CNTNAP3B: variants seen among roughly 807,000 people sequenced by gnomAD.
The protein encoded by CNTNAP3B is contactin associated protein family member 3B.
CNTNAP3B carries 25 observed loss-of-function variants against 108.9 expected under a neutral mutation model. That is an observed-to-expected ratio of 0.23 (90% CI 0.17 to 0.32). The LOEUF (loss-of-function observed/expected upper bound fraction) is 0.32, where lower values mean the gene tolerates loss of function less well. CNTNAP3B is among the 10% of genes least tolerant of loss of function. CNTNAP3B has a pLI of 1.00. For synonymous variants in CNTNAP3B, 103 were observed against 473.4 expected, an observed-to-expected ratio of 0.22 and a Z score of 10.16; for missense variants, 252 against 1,210.4, an observed-to-expected ratio of 0.21 and a Z score of 11.75.
At chr9:41,943,604 G>A (rs1188414890) in intron 13 of CNTNAP3B, among the ~76,000 whole-genome samples, 236 of 150,784 alleles carry the variant, frequency 1.6e-3, no homozygotes, top group Non-Finnish European at 2.0e-3. Context: ...CGCCCGCCTC[G>A]GCCTCCCAAA....
rs548981285 is a variant in CNTNAP3B, at chr9:42,120,824, G to C, written c.85+8186C>G. On this transcript the variant is annotated intron_variant, in intron 1 of 23. Transcript: ENST00000377561. ...ACACTACACAACGGGGACTGTCGCG[G>C]GGTGGGGGGAGGGGGGAGGGATAGC... 1.1e-4 allele frequency among the ~76,000 whole-genome samples: 10 copies of C among 94,948 alleles called. 1 individual carries two copies. Among genetic ancestry groups the C allele is most frequent in the African/African-American group, 3.7e-4 (8 of 21,382 alleles). 62.3% of individuals were successfully genotyped at this position (94,948 alleles called of 152,430 possible).
At chr9:42,054,783 T>C (rs1827028744) in intron 3 of CNTNAP3B, among the ~76,000 whole-genome samples, 1 of 151,644 alleles carries the variant, frequency 6.6e-6, no homozygotes, top group Non-Finnish European at 1.5e-5. Flanking sequence ...GTTACAAAGT[T>C]AGGATGACAT....
intron 2 of CNTNAP3B, among the ~76,000 whole-genome samples, chr9:42,094,827 C>A (rs1395013478): frequency 7.9e-6 from 1 of 126,740 alleles, no homozygotes; most frequent in East Asian, 2.5e-4. Context: ...GTCCACAATA[C>A]CAAAATCATT....
At chr9:42,098,531 A>T (rs1325319939) in intron 2 of CNTNAP3B, among the ~76,000 whole-genome samples, 6 of 89,686 alleles carry the variant, frequency 6.7e-5, no homozygotes, top group Admixed American at 1.2e-4. Flanking sequence ...TGCAGTGAGC[A>T]GAGATCATGC....
intron 11 of CNTNAP3B, among the ~76,000 whole-genome samples, chr9:41,963,166 G>C (rs1825158882): frequency 6.6e-6 from 1 of 152,294 alleles, no homozygotes; most frequent in African/African-American, 2.4e-5. Flanking sequence ...ACACTCCACA[G>C]CCTGCCTTTC....
chr9:42,101,740 AAGGTGTAGAAATGCACACTGAC>A lies in CNTNAP3B; in HGVS notation c.196+2867_196+2888del, dbSNP rs940606687. ...CTTAGCTTCAAGTGATGCAATGTGA[AAGGTGTAGAAATGCACACTGAC>A]CCTTAGCCTCTTAAATTTACAACAG... On this transcript the variant is annotated intron_variant, in intron 2 of 23. Coordinates refer to ENST00000377561, the MANE Select transcript of CNTNAP3B (RefSeq NM_001201380.3). 1.1e-4 allele frequency among the ~76,000 whole-genome samples: 13 copies of A among 117,678 alleles called. 3 individuals are homozygous for A. Among genetic ancestry groups the A allele is most frequent in the African/African-American group, 4.6e-4 (13 of 28,020 alleles). 77.2% of individuals were successfully genotyped at this position (117,678 alleles called of 152,430 possible).
rs1439909024 is a variant in CNTNAP3B at position 42,129,203 on chromosome 9, G to T, written c.-109C>A. 2.1e-5 allele frequency: 30 copies of T among 1,425,534 alleles called. No homozygotes were observed. Among genetic ancestry groups the T allele is most frequent in the Non-Finnish European group, 2.8e-5 (30 of 1,068,246 alleles). The allele number at this position is 1,425,534 out of a possible 1,614,324, so 88.3% of individuals were successfully genotyped here. The stretch of plus-strand genomic sequence containing the variant: ...CCGTCCCCTGCGCGGCTCCGACGCT[G>T]CTCTGTCTCCCCTGTCCAGTCTCTA... On this transcript the variant is annotated 5_prime_UTR_variant, in exon 1 of 24. Coordinates refer to ENST00000377561, the MANE Select transcript of CNTNAP3B (RefSeq NM_001201380.3).
At chr9:41,965,453 C>A (rs1587156136) in intron 10 of CNTNAP3B, among the ~76,000 whole-genome samples, 1 of 151,304 alleles carries the variant, frequency 6.6e-6, no homozygotes, top group Admixed American at 6.6e-5. Flanking sequence ...GGAAACTGAC[C>A]AGCACCTGAC....
At position 42,117,956 on chromosome 9, in the gene CNTNAP3B, T is replaced by C. The variant is rs1182137808; in HGVS notation, c.85+11054A>G. On this transcript the variant is annotated intron_variant, in intron 1 of 23. Coordinates refer to ENST00000377561, the MANE Select transcript of CNTNAP3B (RefSeq NM_001201380.3). ...ATGGATAAATTCCTCGACACATACA[T>C]CCTCCCAAGACTAAACCAGGAAAAA... 2.9e-5 allele frequency among the ~76,000 whole-genome samples: 4 copies of C among 136,724 alleles called. 1 individual carries two copies. Among genetic ancestry groups the C allele is most frequent in the African/African-American group, 1.2e-4 (4 of 34,276 alleles). The allele number at this position is 136,724 out of a possible 152,430, so 89.7% of individuals were successfully genotyped here.
At chr9:42,112,004 A>G (rs1386934043) in intron 1 of CNTNAP3B, among the ~76,000 whole-genome samples, 3 of 139,066 alleles carry the variant, frequency 2.2e-5, no homozygotes, top group East Asian at 4.4e-4. Flanking sequence ...TGAAATTCAA[A>G]TTTCAGGTCC....
rs573639677 is a variant in CNTNAP3B, at chr9:41,935,574, AT to A, written c.2237+2669del. Reference sequence around the variant, plus strand: ...TCCATTTTTATAAACTGAAAAATCAATTTTATTTGAAAAATTAAAATAGAAA... The same window carrying A: ...TCCATTTTTATAAACTGAAAAATCAATTTATTTGAAAAATTAAAATAGAAA... On this transcript the variant is annotated intron_variant, in intron 14 of 23. Transcript: ENST00000377561. Among the ~76,000 whole-genome samples, 21 of 152,408 alleles carry A rather than the reference AT, an allele frequency of 1.4e-4. No homozygotes were observed. In the East Asian group the frequency reaches 3.9e-3, roughly 28 times the overall value.
In CNTNAP3B at chr9:42,056,217, C is replaced by A. The variant is rs1030698721; in HGVS notation, c.390+20652G>T. ...GTTGAAAGTAATGTCCTAAGCAACA[C>A]AGCCTCAGTAAATGTTTTAGTTGTT... On this transcript the variant is annotated intron_variant, in intron 3 of 23. Coordinates refer to ENST00000377561, the MANE Select transcript of CNTNAP3B (RefSeq NM_001201380.3). Among the ~76,000 whole-genome samples the A allele has an allele frequency of 1.8e-4, 24 of 135,076 alleles. 2 individuals carry two copies. The highest frequency in any genetic ancestry group is 3.4e-3 in the Middle Eastern group (1 of 292). 88.6% of individuals were successfully genotyped at this position (135,076 alleles called of 152,430 possible).
chr9:42,113,972 A>T lies in CNTNAP3B; in HGVS notation c.86-9233T>A, dbSNP rs1177388876. ...ACTAAAAAAATTAAAAATAATAATA[A>T]TTCTTTCTATGCACCTCTGAGAGTT... is the stretch of plus-strand genomic sequence containing the variant. On this transcript the variant is annotated intron_variant, in intron 1 of 23. Coordinates refer to ENST00000377561, the MANE Select transcript of CNTNAP3B (RefSeq NM_001201380.3). Among the ~76,000 whole-genome samples the T allele has an allele frequency of 2.3e-5, 3 of 132,054 alleles. 1 individual carries two copies. Among genetic ancestry groups the T allele is most frequent in the Non-Finnish European group, 4.8e-5 (3 of 62,732 alleles). The allele number at this position is 132,054 out of a possible 152,430, so 86.6% of individuals were successfully genotyped here.
intron 1 of CNTNAP3B, among the ~76,000 whole-genome samples, chr9:42,121,362 G>A (rs1216501427): frequency 7.2e-6 from 1 of 139,060 alleles, no homozygotes; most frequent in Non-Finnish European, 1.5e-5. Flanking sequence ...CCCATCACAG[G>A]CTCAGCTTTC....
intron 3 of CNTNAP3B, among the ~76,000 whole-genome samples, chr9:42,059,945 T>A (rs1827142778): frequency 6.7e-6 from 1 of 149,530 alleles, no homozygotes; most frequent in East Asian, 1.9e-4. Context: ...GGGCTTTCTA[T>A]ATATAAGATC....
chr9:42,066,460 CTT>C lies in CNTNAP3B; in HGVS notation c.390+10407_390+10408del, dbSNP rs1383364972. 4.1e-3 allele frequency among the ~76,000 whole-genome samples: 355 copies of C among 86,450 alleles called. 4 individuals carry two copies. Among genetic ancestry groups the C allele is most frequent in the African/African-American group, 0.017 (343 of 20,664 alleles). 56.7% of individuals were successfully genotyped at this position (86,450 alleles called of 152,430 possible). A position where few individuals can be genotyped will look rare whatever the true frequency, so the allele number is the denominator to read the frequency against. Reference sequence around the variant, plus strand: ...TTTTTTTTTGAGACAGAGTTTCACTCTTGTTGCCCAGGTTAGAGAGCAGTGGC... The same window carrying C: ...TTTTTTTTTGAGACAGAGTTTCACTCGTTGCCCAGGTTAGAGAGCAGTGGC... On this transcript the variant is annotated intron_variant, in intron 3 of 23. Transcript: ENST00000377561.
intron 14 of CNTNAP3B, among the ~76,000 whole-genome samples, chr9:41,931,874 A>G (rs1035680334): frequency 2.0e-5 from 3 of 149,306 alleles, no homozygotes; most frequent in African/African-American, 5.0e-5. Context: ...TAAAAGATCT[A>G]TTTCACGGGA....
intron 1 of CNTNAP3B, among the ~76,000 whole-genome samples, chr9:42,109,538 C>T (rs557935632): frequency 1.4e-5 from 2 of 147,140 alleles, no homozygotes; most frequent in East Asian, 4.0e-4. Flanking sequence ...ACAACTGATC[C>T]TTTGGGGAGG....
At position 42,096,291 on chromosome 9, in the gene CNTNAP3B, G is replaced by T. The variant is rs2118681382; in HGVS notation, c.196+8338C>A. Among the ~76,000 whole-genome samples, 2 of 139,524 alleles carry T rather than the reference G, an allele frequency of 1.4e-5. 1 individual carries two copies. The highest frequency in any genetic ancestry group is 5.7e-5 in the African/African-American group (2 of 35,258). 91.5% of individuals were successfully genotyped at this position (139,524 alleles called of 152,430 possible). ...CTCTGCTTGAGAGCAGAGCTTCAGG[G>T]CAGTCCCCACCTCTCTATGCATACT... On this transcript the variant is annotated intron_variant, in intron 2 of 23. Transcript: ENST00000377561.
Sources: allele counts gnomAD v4.1 joint callset (sites outside exome capture counted in the v4.1 genomes callset), GRCh38; gene constraint gnomAD v4.1.1; transcripts MANE v1.5; gene names NCBI Gene and HGNC (gene_info 2026-07-23, HGNC 2026-07-21).